ROBO2: variants seen among roughly 807,000 people sequenced by gnomAD.
ROBO2 encodes roundabout homolog 2.
Under a neutral mutation model 160.8 loss-of-function variants are expected in ROBO2, and 53 were observed. The observed-to-expected ratio is 0.33, with a 90% CI of 0.26 to 0.41. The LOEUF (loss-of-function observed/expected upper bound fraction) is 0.41. Among genes scored for constraint, ROBO2 ranks in the 10% least tolerant of loss-of-function variants. The pLI is 1.00. For missense variants in ROBO2, 1,577 were observed against 1,722.4 expected, an observed-to-expected ratio of 0.92 and a Z score of 1.49; for synonymous variants, 664 against 611.7, an observed-to-expected ratio of 1.09 and a Z score of -1.26.
At chr3:77,033,836 A>G (rs1465356844) in intron 2 of ROBO2, among the ~76,000 whole-genome samples, 1 of 152,134 alleles carries the variant, frequency 6.6e-6, no homozygotes, top group East Asian at 1.9e-4. Context: ...TATATATTAG[A>G]TGAAGTGTAA....
chr3:75,969,247 A>G (rs1310894860), intron 2 of ROBO2, among the ~76,000 whole-genome samples: 2 of 151,066 alleles, frequency 1.3e-5, no homozygotes, highest in South Asian at 2.1e-4. Flanking sequence ...TAGCTTGGCT[A>G]TTGAGAACTA....
chr3:77,456,816 G>C (rs2081693145), intron 2 of ROBO2, among the ~76,000 whole-genome samples: 1 of 152,098 alleles, frequency 6.6e-6, no homozygotes, highest in Non-Finnish European at 1.5e-5. Context: ...GGCATATCAT[G>C]GCCAGTGTCC....
intron 2 of ROBO2, among the ~76,000 whole-genome samples, chr3:77,368,992 C>T (rs774019226): frequency 3.3e-5 from 5 of 152,058 alleles, no homozygotes; most frequent in Admixed American, 6.6e-5. Flanking sequence ...TTTTATCTTG[C>T]GGTGGGGTTG....
chr3:77,067,871 G>C (rs1208115062), intron 1 of ROBO2, among the ~76,000 whole-genome samples: 1 of 152,058 alleles, frequency 6.6e-6, no homozygotes, highest in African/African-American at 2.4e-5. Context: ...AGCATGCTGA[G>C]GATGTTTCAG....
At chr3:77,185,509 C>T (rs1473884845) in intron 2 of ROBO2, among the ~76,000 whole-genome samples, 2 of 151,788 alleles carry the variant, frequency 1.3e-5, no homozygotes, top group Admixed American at 6.6e-5. Context: ...ATCAAAAAAT[C>T]AAAAAGTAAT....
chr3:75,965,699 A>C lies in ROBO2; in HGVS notation c.109+28097A>C, dbSNP rs1004086739. 2.2e-5 allele frequency among the ~76,000 whole-genome samples: 3 copies of C among 136,268 alleles called. No homozygotes were observed. The Admixed American group carries it at 2.3e-4, about 10-fold the overall frequency. 89.4% of individuals were successfully genotyped at this position (136,268 alleles called of 152,430 possible). On this transcript the variant is annotated intron_variant, in intron 2 of 26. Coordinates refer to the ROBO2 transcript ENST00000487694. ...TATATGAGATGCAGATGCTTTAGACAACATGAAAATATCTTCGAACATCCA... is the reference window on the plus strand; with the variant it reads ...TATATGAGATGCAGATGCTTTAGACCACATGAAAATATCTTCGAACATCCA...
chr3:76,438,793 CTTTA>C (rs2076796310), intron 2 of ROBO2, among the ~76,000 whole-genome samples: 2 of 151,806 alleles, frequency 1.3e-5, no homozygotes, highest in Non-Finnish European at 2.9e-5. Context: ...ATCAACTATG[CTTTA>C]TTTAAATATA....
intron 2 of ROBO2, among the ~76,000 whole-genome samples, chr3:76,578,585 C>T (rs1363073367): frequency 4.6e-5 from 7 of 152,118 alleles, no homozygotes; most frequent in Non-Finnish European, 8.8e-5. Context: ...GGTGTTCTGT[C>T]TCTTGGCCTC....
chr3:75,948,050 CAA>C (rs1243943171), intron 2 of ROBO2, among the ~76,000 whole-genome samples: 1 of 152,020 alleles, frequency 6.6e-6, no homozygotes, highest in East Asian at 1.9e-4. Context: ...TGTGAAGTTA[CAA>C]TTGCCCATTG....
intron 2 of ROBO2, among the ~76,000 whole-genome samples, chr3:76,003,136 G>T (rs1308743789): frequency 2.6e-5 from 4 of 152,130 alleles, no homozygotes; most frequent in African/African-American, 7.2e-5. Context: ...TAACTGCAGG[G>T]TTTACTAGCT....
intron 16 of ROBO2, among the ~76,000 whole-genome samples, chr3:77,584,463 G>A (rs754266973): frequency 1.8e-4 from 28 of 152,052 alleles, no homozygotes; most frequent in Non-Finnish European, 3.2e-4. Context: ...GATATAAGCC[G>A]TTCTCATTTT....
At chr3:76,131,755 T>G (rs75556586) in intron 2 of ROBO2, among the ~76,000 whole-genome samples, 178 of 152,258 alleles carry the variant, frequency 1.2e-3, no homozygotes, top group African/African-American at 4.1e-3. Context: ...TAAAAACAAG[T>G]GAGCATTTAG....
intron 2 of ROBO2, among the ~76,000 whole-genome samples, chr3:76,623,391 G>A (rs1578636489): frequency 6.6e-6 from 1 of 152,106 alleles, no homozygotes; most frequent in Non-Finnish European, 1.5e-5. Flanking sequence ...AACCTTGGTA[G>A]AAACAGATAT....
At chr3:76,842,672 G>A (rs191420846) in intron 2 of ROBO2, among the ~76,000 whole-genome samples, 2 of 152,090 alleles carry the variant, frequency 1.3e-5, no homozygotes, top group East Asian at 3.8e-4. Context: ...TGTTATTGCT[G>A]TTATGAGTTA....
chr3:76,992,659 GA>G (rs1314243252), intron 2 of ROBO2, among the ~76,000 whole-genome samples: 1 of 151,372 alleles, frequency 6.6e-6, no homozygotes, highest in African/African-American at 2.4e-5. Flanking sequence ...TTTTCTATAT[GA>G]AGGGCCTGAT....
intron 2 of ROBO2, among the ~76,000 whole-genome samples, chr3:76,740,964 A>T (rs1180558385): frequency 1.3e-5 from 2 of 152,122 alleles, no homozygotes; most frequent in Non-Finnish European, 2.9e-5. Context: ...ATTTTAAGAA[A>T]GTACAGCCTT....
intron 2 of ROBO2, among the ~76,000 whole-genome samples, chr3:77,110,641 A>C (rs2073446041): frequency 6.7e-6 from 1 of 148,976 alleles, no homozygotes; most frequent in Non-Finnish European, 1.5e-5. Flanking sequence ...AAGACTATAT[A>C]TATATAAATA....
intron 2 of ROBO2, among the ~76,000 whole-genome samples, chr3:76,131,950 T>C (rs1487760553): frequency 6.6e-6 from 1 of 152,086 alleles, no homozygotes; most frequent in African/African-American, 2.4e-5. Context: ...TAACCAAATA[T>C]TACTAGCAAA....
chr3:76,562,363 CGATG>C (rs2084234284), intron 2 of ROBO2, among the ~76,000 whole-genome samples: 1 of 151,624 alleles, frequency 6.6e-6, no homozygotes, highest in Admixed American at 6.6e-5. Flanking sequence ...ATACACTCTC[CGATG>C]TTAGTCATAT....
Sources: gnomAD v4.1 joint callset for allele counts (sites outside exome capture counted in the v4.1 genomes callset) on GRCh38, gnomAD v4.1.1 for gene constraint, MANE v1.5 for transcripts, NCBI Gene and HGNC (gene_info 2026-07-23, HGNC 2026-07-21) for gene names.